The following INVS variants were observed in gnomAD, a reference collection of about 807,000 sequenced individuals.
INVS encodes inversin, also known as inversion of embryo turning homolog.
INVS carries 86 observed loss-of-function variants against 108.8 expected under a neutral mutation model. The ratio of observed to expected loss-of-function variants is 0.79; its 90% CI spans 0.66 to 0.95. The LOEUF is 0.95. INVS is among the 40% of genes least tolerant of loss of function. The pLI is 0.00. For synonymous variants in INVS, 455 were observed against 473.5 expected (o/e 0.96, Z 0.51); for missense variants, 1,169 against 1,297.4 (o/e 0.90, Z 1.52).
At chr9:100,113,345 T>G (rs551555644) in intron 2 of INVS, among the ~76,000 whole-genome samples, 2 of 152,150 alleles carry the variant, frequency 1.3e-5, no homozygotes, top group Admixed American at 1.3e-4. Context: ...CCTCTAGGAG[T>G]TACACACAAC....
intron 11 of INVS, among the ~76,000 whole-genome samples, chr9:100,265,274 C>T (rs1300010813): frequency 6.6e-6 from 1 of 152,072 alleles, no homozygotes; most frequent in African/African-American, 2.4e-5. Flanking sequence ...AAAAAGTGCT[C>T]TTTATCATAC....
intron 5 of INVS, among the ~76,000 whole-genome samples, chr9:100,237,095 G>A (rs557154487): frequency 2.0e-5 from 3 of 152,174 alleles, no homozygotes; most frequent in Non-Finnish European, 4.4e-5. Context: ...TGGCTATAGC[G>A]GCTTTGCTGC....
intron 3 of INVS, among the ~76,000 whole-genome samples, chr9:100,190,648 C>A (rs1012652342): frequency 2.0e-5 from 3 of 152,088 alleles, no homozygotes; most frequent in South Asian, 2.1e-4. Context: ...ATACAAAATT[C>A]TTGGCTGACA....
At chr9:100,161,388 A>AAAAAAAAAAAC (rs1564138793) in intron 3 of INVS, among the ~76,000 whole-genome samples, 17 of 139,046 alleles carry the variant, frequency 1.2e-4, no homozygotes, top group African/African-American at 4.7e-4. Flanking sequence ...AAAAAAAAAA[A>AAAAAAAAAAAC]AAAACCTCAT....
chr9:100,101,822 T>G (rs1342074395), intron 1 of INVS: 1 of 152,206 alleles, frequency 6.6e-6, no homozygotes, highest in Admixed American at 6.5e-5. Context: ...TCCCTTTAGA[T>G]AAGTACATAT....
intron 11 of INVS, among the ~76,000 whole-genome samples, chr9:100,266,759 C>G (rs1019216495): frequency 6.6e-6 from 1 of 152,074 alleles, no homozygotes; most frequent in Non-Finnish European, 1.5e-5. Flanking sequence ...CTGACAATCC[C>G]TCTGACCTAG....
intron 3 of INVS, chr9:100,175,384 A>C (rs1340807508): frequency 2.5e-6 from 2 of 808,324 alleles, no homozygotes; most frequent in Non-Finnish European, 4.4e-6. Context: ...TCTGCAGAGA[A>C]GAGCACCGCA....
intron 10 of INVS, among the ~76,000 whole-genome samples, chr9:100,254,087 G>C (rs1478846673): frequency 1.3e-5 from 2 of 152,082 alleles, no homozygotes; most frequent in African/African-American, 4.8e-5. Context: ...GTTGTTTCCT[G>C]ACTTTTTAAT....
At chr9:100,286,962 T>C (rs2787371) in intron 13 of INVS, among the ~76,000 whole-genome samples, 47,905 of 152,148 alleles carry the variant, frequency 0.31, 8,593 homozygotes, top group Non-Finnish European at 0.42. Context: ...AAGAGTAGGG[T>C]TGCTTCCATT....
At chr9:100,219,553 T>C (rs1564163102) in intron 3 of INVS, among the ~76,000 whole-genome samples, 2 of 152,350 alleles carry the variant, frequency 1.3e-5, no homozygotes, top group East Asian at 3.9e-4. Flanking sequence ...ATTACTGTTA[T>C]GAATGTTAAC....
intron 2 of INVS, among the ~76,000 whole-genome samples, chr9:100,123,119 A>C (rs988568262): frequency 6.6e-6 from 1 of 152,162 alleles, no homozygotes; most frequent in Non-Finnish European, 1.5e-5. Flanking sequence ...TAATTCACAT[A>C]CTATACAATT....
intron 3 of INVS, among the ~76,000 whole-genome samples, chr9:100,212,250 C>T (rs141037329): frequency 6.6e-6 from 1 of 152,316 alleles, no homozygotes; most frequent in East Asian, 1.9e-4. Context: ...TTTTATATGG[C>T]ACTGGTAGCT....
At chr9:100,185,674 T>C (rs1830037577) in intron 3 of INVS, among the ~76,000 whole-genome samples, 1 of 151,524 alleles carries the variant, frequency 6.6e-6, no homozygotes, top group Non-Finnish European at 1.5e-5. Context: ...TTGTACCCAA[T>C]ATGTAGCTTT....
intron 3 of INVS, among the ~76,000 whole-genome samples, chr9:100,144,022 G>A (rs1828520644): frequency 6.6e-6 from 1 of 152,078 alleles, no homozygotes; most frequent in Non-Finnish European, 1.5e-5. Flanking sequence ...GAGTTCTAGG[G>A]GCTCTGGGAG....
chr9:100,150,898 A>G (rs1287892223), intron 3 of INVS, among the ~76,000 whole-genome samples: 2 of 152,196 alleles, frequency 1.3e-5, no homozygotes, highest in Non-Finnish European at 2.9e-5. Flanking sequence ...GATAACTAAA[A>G]TGCCAAAGTG....
chr9:100,237,457 T>A (rs1217624167), intron 5 of INVS, among the ~76,000 whole-genome samples: 2 of 152,072 alleles, frequency 1.3e-5, no homozygotes, highest in Non-Finnish European at 2.9e-5. Context: ...GCCACCCAGT[T>A]TTGCGCTTGA....
At chr9:100,259,897 A>C (rs1832561293) in intron 10 of INVS, among the ~76,000 whole-genome samples, 1 of 149,000 alleles carries the variant, frequency 6.7e-6, no homozygotes, top group Non-Finnish European at 1.5e-5. Context: ...GTTGAGATGG[A>C]GTCTCGCTTC....
In INVS at chr9:100,201,172, A is replaced by C. The variant is rs539687945; in HGVS notation, c.274-24890A>C. ...GGTTCTCCTTGCCCCCAAGTCCCATAAGGGTGGTATGGAGGCAGGTCCACG... is the reference window on the plus strand; with the variant it reads ...GGTTCTCCTTGCCCCCAAGTCCCATCAGGGTGGTATGGAGGCAGGTCCACG... On this transcript the variant is annotated intron_variant, in intron 3 of 16. Transcript: ENST00000262457. 1.1e-4 allele frequency among the ~76,000 whole-genome samples: 17 copies of C among 152,346 alleles called. 1 individual carries two copies. In the South Asian group the frequency reaches 2.9e-3, roughly 26 times the overall value.
chr9:100,114,465 A>G (rs1827448106), intron 2 of INVS, among the ~76,000 whole-genome samples: 2 of 135,446 alleles, frequency 1.5e-5, no homozygotes, highest in Admixed American at 8.5e-5. Flanking sequence ...GCAGTGGTAC[A>G]ATCATGACTC....
Sources: gnomAD v4.1 joint callset for allele counts (sites outside exome capture counted in the v4.1 genomes callset) on GRCh38, gnomAD v4.1.1 for gene constraint, MANE v1.5 for transcripts, NCBI Gene and HGNC (gene_info 2026-07-23, HGNC 2026-07-21) for gene names.